The following CCDC149 variants were observed in gnomAD, a reference collection of about 807,000 sequenced individuals.
CCDC149 encodes the protein coiled-coil domain-containing protein 149.
A neutral mutation model predicts 59.9 loss-of-function variants in CCDC149; 45 were observed. The observed-to-expected ratio is 0.75, with a 90% CI of 0.59 to 0.96. The LOEUF (loss-of-function observed/expected upper bound fraction) is 0.96. Among genes scored for constraint, CCDC149 ranks in the 40% least tolerant of loss-of-function variants. The pLI, the probability that CCDC149 is intolerant of heterozygous loss-of-function variation, is 0.00. For missense variants in CCDC149, 584 were observed against 664.7 expected (o/e 0.88, Z 1.33); for synonymous variants, 245 against 260.6 (o/e 0.94, Z 0.58).
chr4:24,912,873 C>T lies in CCDC149; in HGVS notation c.7G>A (p.Glu3Lys). Residue 3 changes from glutamate to lysine, a missense_variant, in exon 1 of 13, where the codon GAG (glutamate) becomes AAG (lysine). Glu to Lys is a moderately conservative substitution (Grantham distance 56). Transcript: ENST00000635206. Reference sequence around the variant, plus strand: ...GTCCGGTCGCCGTTCATGGCCTCCTCCTCCATGCGCTGGCCGGCCTCCTGG... The same window carrying T: ...GTCCGGTCGCCGTTCATGGCCTCCTTCTCCATGCGCTGGCCGGCCTCCTGG... 1 of 1,363,610 alleles carries T rather than the reference C, an allele frequency of 7.3e-7. No homozygotes were observed. Among genetic ancestry groups the T allele is most frequent in the East Asian group, 3.8e-5 (1 of 26,276 alleles). The allele number at this position is 1,363,610 out of a possible 1,614,324, so 84.5% of individuals were successfully genotyped here.
chr4:24,805,259 G>T (rs2109075292), downstream of CCDC149, among the ~76,000 whole-genome samples: 1 of 152,228 alleles, frequency 6.6e-6, no homozygotes, highest in East Asian at 1.9e-4. Flanking sequence ...AATCCAGCCG[G>T]AAAAATAATG....
chr4:24,912,668 G>A (rs533199085), intron 1 of CCDC149, 149 bp downstream of exon 1: 47 of 362,872 alleles, frequency 1.3e-4, no homozygotes, highest in African/African-American at 1.0e-3. Flanking sequence ...CGGCGCACCT[G>A]GCGGGGTCGC....
At chr4:24,972,285 C>T (rs1030023861) in intron 1 of CCDC149, among the ~76,000 whole-genome samples, 4 of 108,882 alleles carry the variant, frequency 3.7e-5, no homozygotes, top group South Asian at 3.6e-4. Flanking sequence ...TAAATTCTGA[C>T]CTTTTTCTTT....
chr4:24,899,452 G>A (rs1215808220), intron 1 of CCDC149, among the ~76,000 whole-genome samples: 1 of 152,172 alleles, frequency 6.6e-6, no homozygotes, highest in African/African-American at 2.4e-5. Flanking sequence ...CAGCATGTAG[G>A]AAAAGAAGAG....
intron 1 of CCDC149, among the ~76,000 whole-genome samples, chr4:24,961,333 T>C (rs1037590740): frequency 6.6e-6 from 1 of 152,178 alleles, no homozygotes; most frequent in Non-Finnish European, 1.5e-5. Context: ...AAGAAAAGCA[T>C]GCTCCGCTCA....
intron 1 of CCDC149, among the ~76,000 whole-genome samples, chr4:24,924,056 A>G (rs1263942707): frequency 7.9e-5 from 12 of 152,224 alleles, no homozygotes; most frequent in Admixed American, 7.9e-4. Context: ...GTGACACGAA[A>G]GTAGCATATG....
chr4:24,855,023 A>C (rs1010367491), intron 3 of CCDC149, among the ~76,000 whole-genome samples: 4 of 152,100 alleles, frequency 2.6e-5, no homozygotes, highest in African/African-American at 7.2e-5. Context: ...CATTTACTTC[A>C]TGGTTCATTG....
intron 1 of CCDC149, among the ~76,000 whole-genome samples, chr4:24,954,372 A>G (rs372643914): frequency 6.6e-6 from 1 of 152,160 alleles, no homozygotes; most frequent in Non-Finnish European, 1.5e-5. Flanking sequence ...AGACTCCACT[A>G]TGTTTTGTGC....
In CCDC149 at chr4:24,905,410, CGTGCGTGTGT is replaced by C. The variant is rs1362554202; in HGVS notation, c.63+7397_63+7406del. Among the ~76,000 whole-genome samples, 315 of 93,818 alleles carry C rather than the reference CGTGCGTGTGT, an allele frequency of 3.4e-3. 1 individual carries two copies. The highest frequency in any genetic ancestry group is 0.014 in the South Asian group (32 of 2,350). 61.5% of individuals were successfully genotyped at this position (93,818 alleles called of 152,430 possible). A position where few individuals can be genotyped will look rare whatever the true frequency, so the allele number is the denominator to read the frequency against. ...ATATAGTCTTCTTTCTTTTTGCGTG[CGTGCGTGTGT>C]GTGTGTGTGTGTGTGTGTGTGTGTG... On this transcript the variant is annotated intron_variant, in intron 1 of 12. Transcript: ENST00000635206.
At chr4:24,810,627 C>A (rs1333468156) in intron 12 of CCDC149, among the ~76,000 whole-genome samples, 1 of 152,118 alleles carries the variant, frequency 6.6e-6, no homozygotes, top group African/African-American at 2.4e-5. Context: ...TTTATGAGTA[C>A]AGAATTTGTT....
intron 1 of CCDC149, among the ~76,000 whole-genome samples, chr4:24,936,404 A>G (rs1033824617): frequency 2.6e-5 from 4 of 152,038 alleles, no homozygotes; most frequent in Admixed American, 6.6e-5. Context: ...TTTTCTTTAA[A>G]TATTTTAAAT....
rs1186356985 is a variant in CCDC149 at position 24,953,572 on chromosome 4, A to G, written c.-65+26497T>C. 3.9e-5 allele frequency among the ~76,000 whole-genome samples: 6 copies of G among 152,226 alleles called. 1 individual carries two copies. The East Asian group carries it at 9.6e-4, about 24-fold the overall frequency. On this transcript the variant is annotated intron_variant, in intron 1 of 12. Coordinates refer to the CCDC149 transcript ENST00000389609. ...CTTGGCAAACAGCAAACTCTAGAGA[A>G]GCAAGATGATCTGATTTCTAGTAGT...
intron 3 of CCDC149, among the ~76,000 whole-genome samples, chr4:24,855,945 A>G (rs800469): frequency 0.79 from 119,828 of 152,266 alleles, 47,167 homozygotes; most frequent in East Asian, 0.91. Flanking sequence ...GGGTGACATG[A>G]CAGGAGTTTC....
intron 1 of CCDC149, among the ~76,000 whole-genome samples, chr4:24,965,874 T>C (rs900976551): frequency 3.3e-5 from 5 of 152,244 alleles, no homozygotes; most frequent in Admixed American, 1.3e-4. Context: ...CCGCACGTTA[T>C]GTAACCATGC....
At chr4:24,855,529 C>T (rs951829586) in intron 3 of CCDC149, among the ~76,000 whole-genome samples, 2 of 146,068 alleles carry the variant, frequency 1.4e-5, no homozygotes, top group African/African-American at 2.6e-5. Flanking sequence ...GAGCTGAGAT[C>T]ATGCCACTGA....
intron 1 of CCDC149, among the ~76,000 whole-genome samples, chr4:24,956,398 G>T (rs140804394): frequency 3.6e-4 from 55 of 151,952 alleles, no homozygotes; most frequent in African/African-American, 1.2e-3. Flanking sequence ...CTCTTCTCCA[G>T]CCTAAACTTC....
In CCDC149 at chr4:24,910,984, C is replaced by T. The variant is rs74878337; in HGVS notation, c.63+1833G>A. On this transcript the variant is annotated intron_variant, in intron 1 of 12. Transcript: ENST00000635206. ...TCACCTCCCCCATGGCCCCTGGCTA[C>T]GTGCCCACCTCATGTTTGTGAAGTT... 7.7e-3 allele frequency among the ~76,000 whole-genome samples: 1,175 copies of T among 152,274 alleles called. 23 individuals are homozygous for T. Among genetic ancestry groups the T allele is most frequent in the African/African-American group, 0.027 (1,121 of 41,554 alleles).
intron 1 of CCDC149, among the ~76,000 whole-genome samples, chr4:24,968,932 G>A (rs907534244): frequency 2.6e-5 from 4 of 152,216 alleles, no homozygotes; most frequent in East Asian, 3.9e-4. Flanking sequence ...TATTTATCAC[G>A]TGTCAGGCCA....
Position 24,853,069 on chromosome 4 carries a change from T to C in CCDC149, c.372+3A>G. On this transcript the variant is annotated splice_donor_region_variant and intron_variant, in intron 4 of 12. Transcript: ENST00000635206. ...GCTTCTTCCCTGTAAATACTCACAGTACCTTGTTGTCGCCCTGGACTTCTC... is the reference window on the plus strand; with the variant it reads ...GCTTCTTCCCTGTAAATACTCACAGCACCTTGTTGTCGCCCTGGACTTCTC... 1 of 1,590,190 alleles carries C rather than the reference T, an allele frequency of 6.3e-7. No homozygotes were observed. The highest frequency in any genetic ancestry group is 8.6e-7 in the Non-Finnish European group (1 of 1,158,306).
Sources: gnomAD v4.1 joint callset for allele counts (sites outside exome capture counted in the v4.1 genomes callset) on GRCh38, gnomAD v4.1.1 for gene constraint, MANE v1.5 for transcripts, NCBI Gene and HGNC (gene_info 2026-07-23, HGNC 2026-07-21) for gene names.